VPS13B: variants seen among roughly 807,000 people sequenced by gnomAD.
VPS13B encodes the protein intermembrane lipid transfer protein VPS13B.
VPS13B carries 285 observed loss-of-function variants against 426.4 expected under a neutral mutation model. That is an observed-to-expected ratio of 0.67 (90% CI 0.61 to 0.74). The LOEUF is 0.74. Ranked by LOEUF, VPS13B falls within the 30% of genes least tolerant of loss-of-function variation. The pLI is 0.00. For synonymous variants in VPS13B, 1,676 were observed against 1,676.4 expected (o/e 1.00, Z 0.01); for missense variants, 4,537 against 4,782.6 (o/e 0.95, Z 1.51).
At chr8:99,590,256 A>G (rs573205451) in intron 33 of VPS13B, among the ~76,000 whole-genome samples, 3 of 152,096 alleles carry the variant, frequency 2.0e-5, no homozygotes, top group Admixed American at 6.6e-5. Context: ...CTAGCAGTCT[A>G]TCAATTTTGT....
In VPS13B at chr8:99,577,631, G is replaced by A. The variant is rs754443939; in HGVS notation, c.5218G>A (p.Glu1740Lys). The A allele has an allele frequency of 1.2e-6, 2 of 1,613,416 alleles. No individual in the cohort carries two copies. Among genetic ancestry groups the A allele is most frequent in the Non-Finnish European group, 1.7e-6 (2 of 1,179,690 alleles). ...TGLEPSNKAAEISKQEQKKVD... is the reference protein window; with the variant it reads ...TGLEPSNKAAKISKQEQKKVD... ...ACTGGAACCATCAAACAAGGCTGCA[G>A]AGGTAACTGTTACCTGATTTTGATC... The change falls in exon 33 of 62, where the codon GAG becomes AAG. Residue 1740 changes from glutamate to lysine, a missense_variant and splice_region_variant. This residue lies in a region of VPS13B where 4,311 missense variants were observed against 4,474.3 expected (regional missense o/e 0.96). Transcript: ENST00000357162.
At chr8:99,636,532 A>G (rs1829075483) in intron 33 of VPS13B, among the ~76,000 whole-genome samples, 1 of 152,018 alleles carries the variant, frequency 6.6e-6, no homozygotes, top group South Asian at 2.1e-4. Context: ...AGTTTCCTAA[A>G]GTGAATGCTT....
At chr8:99,319,756 C>T (rs1044144922) in intron 19 of VPS13B, among the ~76,000 whole-genome samples, 4 of 152,126 alleles carry the variant, frequency 2.6e-5, no homozygotes, top group Non-Finnish European at 2.9e-5. Flanking sequence ...TTCTACTTAC[C>T]GCCTTCTTAC....
At chr8:99,667,840 T>G (rs1307345306) in intron 35 of VPS13B, among the ~76,000 whole-genome samples, 2 of 152,160 alleles carry the variant, frequency 1.3e-5, no homozygotes, top group African/African-American at 4.8e-5. Flanking sequence ...TTTTATAGAT[T>G]TTGGCAACTC....
chr8:99,864,914 C>G (rs953546886), intron 58 of VPS13B, among the ~76,000 whole-genome samples: 1 of 152,166 alleles, frequency 6.6e-6, no homozygotes, highest in African/African-American at 2.4e-5. Context: ...ATTGCAAGTT[C>G]CAGTGTAGGA....
chr8:99,818,893 T>C lies in VPS13B; in HGVS notation c.8621+5T>C. On this transcript the variant is annotated splice_donor_5th_base_variant and intron_variant, in intron 47 of 61. Transcript: ENST00000357162. ...TCACCTGACATTCCAAGCAAGGTAC[T>C]AGAAAAATCCTTCCATACATTTTAC... 6.9e-7 allele frequency: 1 copy of C among 1,453,058 alleles called. No homozygotes were observed. The allele number at this position is 1,453,058 out of a possible 1,614,324, so 90.0% of individuals were successfully genotyped here.
Position 99,807,793 on chromosome 8 carries a change from G to A in VPS13B, c.7942-1582G>A, listed in dbSNP as rs951922221. 9.9e-5 allele frequency among the ~76,000 whole-genome samples: 15 copies of A among 150,828 alleles called. 2 individuals carry two copies. In the South Asian group the frequency reaches 1.3e-3, roughly 13 times the overall value. Reference sequence around the variant, plus strand: ...CCTATCACAAGATCACTGGCAGTGCGTGGAGGAAGAACTTGAGTGAGGCCA... The same window carrying A: ...CCTATCACAAGATCACTGGCAGTGCATGGAGGAAGAACTTGAGTGAGGCCA... On this transcript the variant is annotated intron_variant, in intron 43 of 61. Transcript: ENST00000357162.
intron 23 of VPS13B, among the ~76,000 whole-genome samples, chr8:99,457,607 A>G (rs1818554752): frequency 6.6e-6 from 1 of 150,596 alleles, no homozygotes; most frequent in African/African-American, 2.4e-5. Flanking sequence ...TCCAATCTTT[A>G]CTATTTTCTT....
intron 19 of VPS13B, among the ~76,000 whole-genome samples, chr8:99,282,603 T>G (rs1192828792): frequency 6.6e-6 from 1 of 152,206 alleles, no homozygotes; most frequent in Admixed American, 6.5e-5. Flanking sequence ...CCTTTTAAAG[T>G]ATCTGCTTAG....
chr8:99,431,014 G>A (rs932180346), intron 21 of VPS13B, among the ~76,000 whole-genome samples: 2 of 152,080 alleles, frequency 1.3e-5, no homozygotes, highest in Non-Finnish European at 2.9e-5. Flanking sequence ...CAACGTGCCT[G>A]GCCAAAATCA....
In VPS13B at chr8:99,603,133, G is replaced by A. The variant is rs988983654; in HGVS notation, c.5220+25500G>A. On this transcript the variant is annotated intron_variant, in intron 33 of 61. Transcript: ENST00000357162. ...AATGAGAAGGAAAAAATGATACAAC[G>A]ACATTCCTAAATTAGTGGAGAATTG... Among the ~76,000 whole-genome samples the A allele has an allele frequency of 1.3e-5, 2 of 152,134 alleles. 1 individual carries two copies. The highest frequency in any genetic ancestry group is 4.1e-4 in the South Asian group (2 of 4,832).
rs760922656 is a variant in VPS13B, at chr8:99,868,375, G to C, written c.11302G>C (p.Gly3768Arg). 5.0e-6 allele frequency: 8 copies of C among 1,614,048 alleles called. No homozygotes were observed. The East Asian group carries it at 1.6e-4, about 31-fold the overall frequency. The change falls in exon 59 of 62, where the codon GGT (glycine) becomes CGT (arginine). Residue 3768 changes from glycine (G) to arginine (R), a missense_variant. This residue lies in a region of VPS13B where 4,311 missense variants were observed against 4,474.3 expected (regional missense o/e 0.96). Transcript: ENST00000357162. The stretch of plus-strand genomic sequence containing the variant: ...GGCTTCAGCAGGACACAAGGCCAAG[G>C]GTGTCATCTCGGGTGTGGGGAAAGG... The part of the protein sequence containing the change: ...AQASAGHKAK[G>R]VISGVGKGIM...
chr8:99,309,393 T>C (rs1355367286), intron 19 of VPS13B, among the ~76,000 whole-genome samples: 1 of 152,236 alleles, frequency 6.6e-6, no homozygotes, highest in Admixed American at 6.5e-5. Context: ...TTCAGCTTTC[T>C]ACATATGGCT....
intron 17 of VPS13B, chr8:99,209,718 A>T (rs572409872): frequency 1.0e-6 from 1 of 979,488 alleles, no homozygotes; most frequent in Admixed American, 6.1e-5. Flanking sequence ...TTTATAAATT[A>T]TGTTATAATT....
chr8:99,544,909 A>C (rs147681408), intron 30 of VPS13B, among the ~76,000 whole-genome samples: 1 of 152,134 alleles, frequency 6.6e-6, no homozygotes. Context: ...CTTAGGCACT[A>C]CTCAGTGCTG....
At chr8:99,745,864 C>T (rs1810056424) in intron 39 of VPS13B, among the ~76,000 whole-genome samples, 2 of 151,940 alleles carry the variant, frequency 1.3e-5, no homozygotes, top group African/African-American at 4.8e-5. Flanking sequence ...TTATCAGAGC[C>T]AACAAAAAAT....
At chr8:99,508,921 C>T (rs1338408982) in intron 28 of VPS13B, among the ~76,000 whole-genome samples, 2 of 151,718 alleles carry the variant, frequency 1.3e-5, no homozygotes, top group African/African-American at 4.8e-5. Flanking sequence ...AAAAAAACAC[C>T]CTTTCTTCAT....
intron 19 of VPS13B, among the ~76,000 whole-genome samples, chr8:99,318,270 G>A (rs1243051965): frequency 7.9e-5 from 12 of 152,080 alleles, no homozygotes; most frequent in Non-Finnish European, 1.5e-4. Flanking sequence ...ACAATGCTGT[G>A]CAATTATTCT....
intron 19 of VPS13B, chr8:99,346,722 C>A: frequency 1.3e-5 from 2 of 156,632 alleles, no homozygotes; most frequent in South Asian, 1.9e-4. Flanking sequence ...CACCCTCTGC[C>A]TACTGATATC....
Sources: allele counts gnomAD v4.1 joint callset (sites outside exome capture counted in the v4.1 genomes callset), GRCh38; gene constraint gnomAD v4.1.1; regional missense constraint gnomAD v4.1.1; transcripts MANE v1.5; gene names NCBI Gene and HGNC (gene_info 2026-07-23, HGNC 2026-07-21).